Variants in RARB observed in about 807,000 individuals in gnomAD.
RARB encodes HBV-activated protein.
In RARB, 17 loss-of-function variants were observed where a neutral mutation model predicts 51.9. The ratio of observed to expected loss-of-function variants is 0.33; its 90% CI spans 0.22 to 0.49. RARB has a LOEUF of 0.49. RARB is among the 20% of genes least tolerant of loss of function. RARB has a pLI of 0.99. For missense variants in RARB, 369 were observed against 550.8 expected (o/e 0.67, Z 3.30); for synonymous variants, 215 against 195.4 (o/e 1.10, Z -0.84).
At chr3:24,976,715 G>T (rs930364948) in intron 2 of RARB, among the ~76,000 whole-genome samples, 1 of 152,136 alleles carries the variant, frequency 6.6e-6, no homozygotes, top group East Asian at 1.9e-4. Context: ...TAGGTTGCCT[G>T]TTCACCCTGA....
chr3:25,065,997 AT>A (rs148739623), intron 3 of RARB, among the ~76,000 whole-genome samples: 3 of 152,060 alleles, frequency 2.0e-5, no homozygotes, highest in Non-Finnish European at 2.9e-5. Context: ...AGAAATGTGC[AT>A]TTTTTTCCAG....
At chr3:25,035,395 T>C (rs567206037) in intron 2 of RARB, among the ~76,000 whole-genome samples, 84 of 150,164 alleles carry the variant, frequency 5.6e-4, no homozygotes, top group Non-Finnish European at 1.5e-4. Context: ...GTGCTGGAAT[T>C]ACAGTTGTGA....
intron 5 of RARB, among the ~76,000 whole-genome samples, chr3:25,282,345 T>C (rs190541347): frequency 6.6e-6 from 1 of 152,350 alleles, no homozygotes; most frequent in East Asian, 1.9e-4. Context: ...CATGGCTTAC[T>C]CTTGAATGTT....
intron 2 of RARB, among the ~76,000 whole-genome samples, chr3:25,496,531 T>C (rs1697043777): frequency 6.6e-6 from 1 of 152,210 alleles, no homozygotes; most frequent in Non-Finnish European, 1.5e-5. Context: ...GACACCTTAA[T>C]GGATAAATGC....
chr3:25,228,239 G>GTTTTTTTTTTTTTTTTTTTTT (rs1702100939), intron 5 of RARB, among the ~76,000 whole-genome samples: 1 of 52,200 alleles, frequency 1.9e-5, no homozygotes, highest in Non-Finnish European at 3.7e-5. Context: ...TTTTTTTTTG[G>GTTTTTTTTTTTTTTTTTTTTT]TTGTTCATTT....
chr3:25,139,297 C>G (rs1700076133), intron 4 of RARB, among the ~76,000 whole-genome samples: 1 of 152,144 alleles, frequency 6.6e-6, no homozygotes, highest in Non-Finnish European at 1.5e-5. Context: ...AGCTAAGTCT[C>G]TTGCACCAAA....
chr3:24,975,400 G>A (rs1696488841), intron 2 of RARB, among the ~76,000 whole-genome samples: 1 of 152,130 alleles, frequency 6.6e-6, no homozygotes, highest in Non-Finnish European at 1.5e-5. Flanking sequence ...GGATGCATGT[G>A]AAAAGAGTTC....
intron 5 of RARB, among the ~76,000 whole-genome samples, chr3:25,333,250 G>A (rs1408909337): frequency 2.0e-5 from 3 of 152,106 alleles, no homozygotes; most frequent in African/African-American, 4.8e-5. Context: ...CAAAGCTGGA[G>A]GCATCACGCT....
intron 2 of RARB, among the ~76,000 whole-genome samples, chr3:24,996,971 C>T (rs1233451549): frequency 1.3e-5 from 2 of 152,046 alleles, no homozygotes; most frequent in African/African-American, 4.8e-5. Context: ...CTTTTAGGTC[C>T]ATTTGGTCTA....
chr3:25,508,064 A>G (rs529548622), intron 3 of RARB, among the ~76,000 whole-genome samples: 1 of 152,214 alleles, frequency 6.6e-6, no homozygotes. Flanking sequence ...GTGATGGGCA[A>G]AACATGTCTT....
intron 3 of RARB, among the ~76,000 whole-genome samples, chr3:25,061,837 A>G (rs138085013): frequency 8.4e-4 from 128 of 151,926 alleles, no homozygotes; most frequent in African/African-American, 3.1e-3. Context: ...TGAATTTTTG[A>G]AAAAAGAACT....
At chr3:24,852,720 A>G (rs1702575413) in intron 1 of RARB, among the ~76,000 whole-genome samples, 1 of 152,246 alleles carries the variant, frequency 6.6e-6, no homozygotes, top group Non-Finnish European at 1.5e-5. Flanking sequence ...CTTAAAAACC[A>G]TCTTCCTAAC....
intron 1 of RARB, among the ~76,000 whole-genome samples, chr3:25,456,907 A>G (rs1694949862): frequency 6.6e-6 from 1 of 152,042 alleles, no homozygotes; most frequent in African/African-American, 2.4e-5. Flanking sequence ...ATTTAAAAAC[A>G]TAGCCCAGTC....
In RARB at chr3:24,881,344, C is replaced by A. The variant is rs1307326601; in HGVS notation, c.-380+22592C>A. On this transcript the variant is annotated intron_variant, in intron 2 of 11. Coordinates refer to the RARB transcript ENST00000383772. ...TTTTTAAGAAAGTGAAGTCTGAGATCAAAATTTTTGATAACTGCTGAACTA... is the reference window on the plus strand; with the variant it reads ...TTTTTAAGAAAGTGAAGTCTGAGATAAAAATTTTTGATAACTGCTGAACTA... Among the ~76,000 whole-genome samples the A allele has an allele frequency of 7.2e-5, 11 of 152,164 alleles. No individual in the cohort carries two copies. In the Middle Eastern group the frequency reaches 0.01, roughly 142 times the overall value.
rs568276865 is a variant in RARB at position 24,983,004 on chromosome 3, A to G, written c.-379-77121A>G. Among the ~76,000 whole-genome samples, 48 of 152,238 alleles carry G rather than the reference A, an allele frequency of 3.2e-4. 1 individual carries two copies. Among genetic ancestry groups the G allele is most frequent in the Non-Finnish European group, 5.9e-4 (40 of 68,046 alleles). On this transcript the variant is annotated intron_variant, in intron 2 of 11. Coordinates refer to the RARB transcript ENST00000383772. Reference sequence around the variant, plus strand: ...CCTTTTCATATATAAACATATACATATATTAAATATATATTGACTTTTCCA... The same window carrying G: ...CCTTTTCATATATAAACATATACATGTATTAAATATATATTGACTTTTCCA...
intron 2 of RARB, among the ~76,000 whole-genome samples, chr3:25,476,238 C>G (rs1277700541): frequency 6.6e-6 from 1 of 152,140 alleles, no homozygotes; most frequent in Non-Finnish European, 1.5e-5. Context: ...GGGCAGTTGC[C>G]AATGTTTACT....
intron 2 of RARB, among the ~76,000 whole-genome samples, chr3:25,472,420 T>G (rs1458349826): frequency 6.6e-6 from 1 of 152,198 alleles, no homozygotes; most frequent in Non-Finnish European, 1.5e-5. Flanking sequence ...CTCAGAGATG[T>G]AGTCTAGCCA....
intron 2 of RARB, among the ~76,000 whole-genome samples, chr3:25,056,245 A>G (rs4858694): frequency 0.69 from 104,908 of 151,920 alleles, 36,384 homozygotes; most frequent in East Asian, 0.8. Context: ...CAGAGGCCAA[A>G]CAGATAACCT....
intron 1 of RARB, among the ~76,000 whole-genome samples, chr3:24,846,011 G>A (rs937502929): frequency 3.3e-5 from 5 of 152,202 alleles, no homozygotes; most frequent in Non-Finnish European, 4.4e-5. Flanking sequence ...TACCACAGGA[G>A]GAGCTGAGAT....
Sources: allele counts gnomAD v4.1 joint callset (sites outside exome capture counted in the v4.1 genomes callset), GRCh38; gene constraint gnomAD v4.1.1; transcripts MANE v1.5; gene names NCBI Gene and HGNC (gene_info 2026-07-23, HGNC 2026-07-21).